The following ASAP2 variants were observed in gnomAD, a reference collection of about 807,000 sequenced individuals.
ASAP2 encodes ArfGAP with SH3 domain, ankyrin repeat and PH domain 2.
A neutral mutation model predicts 131.4 loss-of-function variants in ASAP2; 45 were observed. The observed-to-expected ratio is 0.34, with a 90% CI of 0.27 to 0.44. The LOEUF (loss-of-function observed/expected upper bound fraction) is 0.44, where lower values mean the gene tolerates loss of function less well. ASAP2 is among the 20% of genes least tolerant of loss of function. The probability of loss-of-function intolerance (pLI) is 1.00; values close to 1 mark genes in which losing one functional copy is unlikely to be tolerated. For missense variants in ASAP2, 1,011 were observed against 1,297.0 expected (o/e 0.78, Z 3.39); for synonymous variants, 510 against 503.0 (o/e 1.01, Z -0.19).
intron 20 of ASAP2, among the ~76,000 whole-genome samples, chr2:9,381,222 T>A (rs968921187): frequency 3.3e-5 from 5 of 152,214 alleles, no homozygotes; most frequent in Admixed American, 3.3e-4. Context: ...CTCAATACCA[T>A]CTTTTCCTGT....
intron 15 of ASAP2, among the ~76,000 whole-genome samples, chr2:9,361,054 T>A (rs1174020589): frequency 6.6e-6 from 1 of 152,232 alleles, no homozygotes; most frequent in Non-Finnish European, 1.5e-5. Flanking sequence ...AGGTGACTTC[T>A]AATGCCTGGT....
chr2:9,351,746 A>C (rs1407228705), intron 12 of ASAP2, among the ~76,000 whole-genome samples: 6 of 152,156 alleles, frequency 3.9e-5, no homozygotes, highest in Non-Finnish European at 2.9e-5. Context: ...GTCACTTGTT[A>C]TGTGATTCAG....
At chr2:9,322,628 T>C (rs987192145) in intron 5 of ASAP2, among the ~76,000 whole-genome samples, 21 of 152,204 alleles carry the variant, frequency 1.4e-4, no homozygotes, top group African/African-American at 5.1e-4. Flanking sequence ...GTAGAAAGGA[T>C]AATTAAGCCG....
rs371588307 is a variant in ASAP2, at chr2:9,344,648, G to A, written c.953+13G>A. On this transcript the variant is annotated intron_variant, in intron 10 of 27. Coordinates refer to ENST00000281419, the MANE Select transcript of ASAP2 (RefSeq NM_003887.3). ...AGAAGAGTGACGGGTACGTGAGGGG[G>A]TGTGGCTAGAGTTTAAATGTACGTT... The A allele has an allele frequency of 1.2e-6, 2 of 1,613,424 alleles. No homozygotes were observed. Among genetic ancestry groups the A allele is most frequent in the Non-Finnish European group, 1.7e-6 (2 of 1,179,422 alleles).
chr2:9,280,577 A>G (rs1667069407), intron 2 of ASAP2, among the ~76,000 whole-genome samples: 1 of 152,232 alleles, frequency 6.6e-6, no homozygotes. Flanking sequence ...GCTGCTGACC[A>G]AAATGAAAGA....
chr2:9,255,239 T>G (rs760069256), intron 1 of ASAP2, among the ~76,000 whole-genome samples: 1 of 152,248 alleles, frequency 6.6e-6, no homozygotes, highest in Non-Finnish European at 1.5e-5. Context: ...AAGTTGGTTC[T>G]CAGATCATAC....
intron 15 of ASAP2, among the ~76,000 whole-genome samples, chr2:9,362,014 TTTA>T (rs1673124106): frequency 6.6e-6 from 1 of 151,338 alleles, no homozygotes; most frequent in Admixed American, 6.6e-5. Flanking sequence ...TGTGTGTGTA[TTTA>T]GAATTATGTC....
intron 14 of ASAP2, among the ~76,000 whole-genome samples, chr2:9,357,113 G>A (rs1672760068): frequency 6.6e-6 from 1 of 151,670 alleles, no homozygotes; most frequent in Non-Finnish European, 1.5e-5. Flanking sequence ...AATAAGAGTG[G>A]ACAGTTGAGA....
chr2:9,321,448 C>A (rs1670141557), intron 5 of ASAP2, among the ~76,000 whole-genome samples: 1 of 152,176 alleles, frequency 6.6e-6, no homozygotes, highest in African/African-American at 2.4e-5. Context: ...AGGCCCCCAC[C>A]CAGGATCCCT....
intron 20 of ASAP2, among the ~76,000 whole-genome samples, chr2:9,381,849 A>G (rs1391585719): frequency 6.6e-6 from 1 of 152,190 alleles, no homozygotes; most frequent in Non-Finnish European, 1.5e-5. Context: ...GACTACAGTG[A>G]GCCATGATTA....
At chr2:9,315,760 C>T (rs1292110016) in intron 3 of ASAP2, among the ~76,000 whole-genome samples, 5 of 152,098 alleles carry the variant, frequency 3.3e-5, no homozygotes, top group South Asian at 2.1e-4. Flanking sequence ...TTCCTAAGAC[C>T]GCACCTTAAA....
intron 1 of ASAP2, among the ~76,000 whole-genome samples, chr2:9,262,803 G>A (rs1279784387): frequency 1.3e-5 from 2 of 152,218 alleles, no homozygotes; most frequent in African/African-American, 2.4e-5. Context: ...CCCAGCACAC[G>A]GTGTGATGAT....
chr2:9,251,154 G>T (rs1230524389), intron 1 of ASAP2, among the ~76,000 whole-genome samples: 1 of 152,320 alleles, frequency 6.6e-6, no homozygotes, highest in East Asian at 1.9e-4. Context: ...TAAACAGATC[G>T]CGAAGGAGAT....
At position 9,217,770 on chromosome 2, in the gene ASAP2, A is replaced by G. The variant is rs1662155143; in HGVS notation, c.126+10540A>G. Among the ~76,000 whole-genome samples, 1 of 151,594 alleles carries G rather than the reference A, an allele frequency of 6.6e-6. No homozygotes were observed. The highest frequency in any genetic ancestry group is 1.5e-5 in the Non-Finnish European group (1 of 67,886). Reference sequence around the variant, plus strand: ...GCTGGGACTACAGGCGCCTGCCACCACGCCCGGCTAATTTTTGGTATTTTT... The same window carrying G: ...GCTGGGACTACAGGCGCCTGCCACCGCGCCCGGCTAATTTTTGGTATTTTT... On this transcript the variant is annotated intron_variant, in intron 1 of 27. Coordinates refer to ENST00000281419, the MANE Select transcript of ASAP2 (RefSeq NM_003887.3). The surrounding 1 kb of genome is among the most constrained non-coding windows in gnomAD (Gnocchi z 4.0).
chr2:9,316,322 T>C (rs1394451754), intron 3 of ASAP2, among the ~76,000 whole-genome samples: 1 of 152,012 alleles, frequency 6.6e-6, no homozygotes, highest in Non-Finnish European at 1.5e-5. Context: ...GAAAAAAAAA[T>C]TAGTACACTG....
In ASAP2 at chr2:9,376,867, C is replaced by T. The variant is rs775951888; in HGVS notation, c.1747-41C>T. Reference sequence around the variant, plus strand: ...CCGGTGTTGGACACAGAATTGAATGCTCCCATTAGAATTCTGGAATGCCTT... The same window carrying T: ...CCGGTGTTGGACACAGAATTGAATGTTCCCATTAGAATTCTGGAATGCCTT... On this transcript the variant is annotated intron_variant, in intron 17 of 27. Transcript: ENST00000281419. The T allele has an allele frequency of 4.5e-6, 7 of 1,550,460 alleles. No individual in the cohort carries two copies. In the South Asian group the frequency reaches 7.8e-5, roughly 17 times the overall value.
At chr2:9,293,242 G>A (rs1244270675) in intron 2 of ASAP2, among the ~76,000 whole-genome samples, 1 of 152,176 alleles carries the variant, frequency 6.6e-6, no homozygotes, top group Non-Finnish European at 1.5e-5. Flanking sequence ...GGATTGATGG[G>A]TTTCGTGCAG....
At chr2:9,364,476 G>T (rs987598369) in intron 15 of ASAP2, among the ~76,000 whole-genome samples, 3 of 152,196 alleles carry the variant, frequency 2.0e-5, no homozygotes, top group African/African-American at 7.2e-5. Flanking sequence ...CTGCTCTCCA[G>T]CCTGGGTGAC....
intron 1 of ASAP2, among the ~76,000 whole-genome samples, chr2:9,238,108 T>C (rs1278605953): frequency 1.3e-5 from 2 of 152,098 alleles, no homozygotes; most frequent in Non-Finnish European, 2.9e-5. Flanking sequence ...GAATTTAGGG[T>C]GAGCACTTAC....
Sources: gnomAD v4.1 joint callset for allele counts (sites outside exome capture counted in the v4.1 genomes callset) on GRCh38, gnomAD v4.1.1 for gene constraint, Gnocchi (gnomAD v3.1) non-coding constraint, MANE v1.5 for transcripts, NCBI Gene and HGNC (gene_info 2026-07-23, HGNC 2026-07-21) for gene names.